The following SLC18A2 variants were observed in gnomAD, a reference collection of about 807,000 sequenced individuals.
The protein encoded by SLC18A2 is solute carrier family 18 member A2.
A neutral mutation model predicts 59.2 loss-of-function variants in SLC18A2; 33 were observed. The ratio of observed to expected loss-of-function variants is 0.56; its 90% confidence interval spans 0.42 to 0.75. The LOEUF is 0.75. Ranked by LOEUF, SLC18A2 falls within the 30% of genes least tolerant of loss-of-function variation. The pLI, the probability that SLC18A2 is intolerant of heterozygous loss-of-function variation, is 0.00. For missense variants in SLC18A2, 569 were observed against 668.6 expected, an observed-to-expected ratio of 0.85 and a Z score of 1.64; for synonymous variants, 228 against 253.5, an observed-to-expected ratio of 0.90 and a Z score of 0.95.
At chr10:117,265,812 G>C (rs1183941210) in intron 10 of SLC18A2, among the ~76,000 whole-genome samples, 1 of 152,264 alleles carries the variant, frequency 6.6e-6, no homozygotes, top group East Asian at 1.9e-4. Flanking sequence ...ATAGGAGGCC[G>C]GACGTGGTGG....
intron 10 of SLC18A2, among the ~76,000 whole-genome samples, chr10:117,258,805 C>G (rs1451317756): frequency 1.4e-5 from 2 of 145,250 alleles, no homozygotes; most frequent in Non-Finnish European, 3.0e-5. Context: ...CTCACTCTGT[C>G]ACCCAGGCTG....
Position 117,277,319 on chromosome 10 carries a change from C to CA in SLC18A2, c.*54dup. 1 of 1,128,492 alleles carries CA rather than the reference C, an allele frequency of 8.9e-7. No homozygotes were observed. 69.9% of individuals were successfully genotyped at this position (1,128,492 alleles called of 1,614,324 possible). On this transcript the variant is annotated 3_prime_UTR_variant, in exon 16 of 16. Transcript: ENST00000644641. ...GTTTAATTGTATAAAACAGTGTTTC[C>CA]AGTGACACAACTCATCCAGAACTGT...
intron 3 of SLC18A2, among the ~76,000 whole-genome samples, chr10:117,246,581 T>A (rs1456868320): frequency 6.6e-6 from 1 of 152,242 alleles, no homozygotes; most frequent in Non-Finnish European, 1.5e-5. Context: ...CCCCAACTGT[T>A]TTGTCCAGCT....
At position 117,277,669 on chromosome 10, in the gene SLC18A2, C is replaced by T. The variant is rs1844519502; in HGVS notation, c.*403C>T. 6.5e-6 allele frequency: 1 copy of T among 152,834 alleles called. No homozygotes were observed. Among genetic ancestry groups the T allele is most frequent in the Admixed American group, 6.5e-5 (1 of 15,284 alleles). The allele number at this position is 152,834 out of a possible 1,614,324, so 9.5% of individuals were successfully genotyped here. ...TAAAGCACACATTATCTCTGAGACT[C>T]TTCCAACAAAGAGAAACTAGAATGA... On this transcript the variant is annotated 3_prime_UTR_variant, in exon 16 of 16. Transcript: ENST00000644641.
At chr10:117,258,389 T>G (rs1234287220) in intron 10 of SLC18A2, among the ~76,000 whole-genome samples, 2 of 152,188 alleles carry the variant, frequency 1.3e-5, no homozygotes, top group South Asian at 4.1e-4. Context: ...TGTTAACAGT[T>G]CTATGTCTTT....
chr10:117,267,658 T>G lies in SLC18A2; in HGVS notation c.1123-15T>G. On this transcript the variant is annotated splice_polypyrimidine_tract_variant and intron_variant, in intron 12 of 15. Transcript: ENST00000644641. The stretch of plus-strand genomic sequence containing the variant: ...TCTCTTGTTATTTTAGCATAATGTT[T>G]ATTTCCTCTTACAGATTCCATTTGC... 6.5e-7 allele frequency: 1 copy of G among 1,546,056 alleles called. No individual in the cohort carries two copies. The highest frequency in any genetic ancestry group is 1.3e-5 in the African/African-American group (1 of 74,246).
intron 3 of SLC18A2, among the ~76,000 whole-genome samples, chr10:117,251,441 C>T (rs1478934410): frequency 2.0e-5 from 3 of 152,136 alleles, no homozygotes; most frequent in African/African-American, 2.4e-5. Flanking sequence ...AGCTGTCACC[C>T]GATGGCCATC....
chr10:117,255,280 G>C lies in SLC18A2; in HGVS notation c.704G>C (p.Gly235Ala). The C allele has an allele frequency of 6.2e-7, 1 of 1,614,078 alleles. No homozygotes were observed. Among genetic ancestry groups the C allele is most frequent in the Non-Finnish European group, 8.5e-7 (1 of 1,179,958 alleles). Reference protein sequence around the residue: ...LGGLAMGVLVGPPFGSVLYEF... With the variant: ...LGGLAMGVLVAPPFGSVLYEF... Reference sequence around the variant, plus strand: ...TCCCCACTTTCTCTCCCTGCAGTGGGCCCCCCCTTCGGGAGTGTGCTCTAT... The same window carrying C: ...TCCCCACTTTCTCTCCCTGCAGTGGCCCCCCCCTTCGGGAGTGTGCTCTAT... Residue 235 changes from glycine to alanine, a missense_variant, in exon 7 of 16, where the codon GGC (glycine) becomes GCC (alanine). Coordinates refer to ENST00000644641, the MANE Select transcript of SLC18A2 (RefSeq NM_003054.6).
chr10:117,265,091 A>T (rs1210677665), intron 10 of SLC18A2, among the ~76,000 whole-genome samples: 1 of 152,248 alleles, frequency 6.6e-6, no homozygotes, highest in East Asian at 1.9e-4. Context: ...ATTACACTGA[A>T]CAATTATTTG....
intron 15 of SLC18A2, among the ~76,000 whole-genome samples, chr10:117,273,842 T>C (rs1462462981): frequency 6.6e-6 from 1 of 152,224 alleles, no homozygotes; most frequent in Non-Finnish European, 1.5e-5. Context: ...TGGTCCACCA[T>C]GTTGGTTTGT....
rs1287334541 is a variant in SLC18A2, at chr10:117,241,608, C to A, written c.-15-71C>A. On this transcript the variant is annotated intron_variant, in intron 1 of 15. Coordinates refer to ENST00000644641, the MANE Select transcript of SLC18A2 (RefSeq NM_003054.6). The stretch of plus-strand genomic sequence containing the variant: ...CGCGCGGCTCCCTGACCCGCCCTTC[C>A]GCGGCCTGGGGGACGGGAGAATGGG... 20 of 1,427,442 alleles carry A rather than the reference C, an allele frequency of 1.4e-5. No individual in the cohort carries two copies. The Admixed American group carries it at 5.6e-4, about 40-fold the overall frequency. 88.4% of individuals were successfully genotyped at this position (1,427,442 alleles called of 1,614,324 possible).
At chr10:117,271,998 T>C (rs1333369346) in intron 15 of SLC18A2, among the ~76,000 whole-genome samples, 1 of 152,150 alleles carries the variant, frequency 6.6e-6, no homozygotes, top group Non-Finnish European at 1.5e-5. Context: ...AGGAAACTGT[T>C]TGAAGACTCC....
chr10:117,253,552 C>CTGGGGGACG (rs1589979633), intron 4 of SLC18A2, 95 bp downstream of exon 4: 1 of 18,382 alleles, frequency 5.4e-5, no homozygotes, highest in African/African-American at 6.5e-4. Context: ...CTAAGGACGG[C>CTGGGGGACG]GGGGGGGCGG....
At chr10:117,242,857 C>G (rs369335721) in intron 2 of SLC18A2, among the ~76,000 whole-genome samples, 3 of 152,050 alleles carry the variant, frequency 2.0e-5, no homozygotes, top group African/African-American at 7.2e-5. Flanking sequence ...ATTAGCCTCC[C>G]GAGTAGCTGG....
In SLC18A2 at chr10:117,277,243, G is replaced by C. The variant is rs1478003522; in HGVS notation, c.1522G>C (p.Asp508His). 2.5e-6 allele frequency: 4 copies of C among 1,608,090 alleles called. No homozygotes were observed. Among genetic ancestry groups the C allele is most frequent in the Non-Finnish European group, 1.7e-6 (2 of 1,175,586 alleles). The change falls in exon 16 of 16, where the codon GAT becomes CAT. Residue 508 changes from aspartate (D) to histidine (H), a missense_variant. This residue lies in a region of SLC18A2 where 192 missense variants were observed against 278.8 expected (regional missense o/e 0.69). Transcript: ENST00000644641. ...TATCCAGTCATATCCGATAGGTGAA[G>C]ATGAAGAATCTGAAAGTGACTGAGA... ...NNIQSYPIGE[D>H]EESESD
chr10:117,270,047 A>G (rs1370584106), intron 13 of SLC18A2, 24 bp from the exon 14 acceptor site: 2 of 1,613,042 alleles, frequency 1.2e-6, no homozygotes, highest in East Asian at 4.5e-5. Flanking sequence ...TTTTCTATAC[A>G]CTGTGTTCCC....
At position 117,277,822 on chromosome 10, in the gene SLC18A2, C is replaced by T. The variant is rs904056064; in HGVS notation, c.*556C>T. 6.6e-6 allele frequency: 1 copy of T among 152,128 alleles called. No individual in the cohort carries two copies. The highest frequency in any genetic ancestry group is 1.5e-5 in the Non-Finnish European group (1 of 68,022). 9.4% of individuals were successfully genotyped at this position (152,128 alleles called of 1,614,324 possible). ...TTCTCTCAAGTGTAGAGGACAAGAACTTGTGTCAGTTATCTTTTGAATCCA... is the reference window on the plus strand; with the variant it reads ...TTCTCTCAAGTGTAGAGGACAAGAATTTGTGTCAGTTATCTTTTGAATCCA... On this transcript the variant is annotated 3_prime_UTR_variant, in exon 16 of 16. Coordinates refer to ENST00000644641, the MANE Select transcript of SLC18A2 (RefSeq NM_003054.6).
chr10:117,249,156 C>T (rs1844136945), intron 3 of SLC18A2, among the ~76,000 whole-genome samples: 1 of 152,136 alleles, frequency 6.6e-6, no homozygotes, highest in Non-Finnish European at 1.5e-5. Context: ...GACAGGGAAA[C>T]CGGCTGTTCT....
At chr10:117,263,455 T>C (rs956923998) in intron 10 of SLC18A2, among the ~76,000 whole-genome samples, 1 of 152,188 alleles carries the variant, frequency 6.6e-6, no homozygotes, top group East Asian at 1.9e-4. Flanking sequence ...ATTAGCTGCA[T>C]GGGTGACACA....
Sources: gnomAD v4.1 joint callset for allele counts (sites outside exome capture counted in the v4.1 genomes callset) on GRCh38, gnomAD v4.1.1 for gene constraint, gnomAD v4.1.1 regional missense constraint, MANE v1.5 for transcripts, NCBI Gene and HGNC (gene_info 2026-07-23, HGNC 2026-07-21) for gene names.